FBP1: variants seen among roughly 807,000 people sequenced by gnomAD.
The protein encoded by FBP1 is fructose-bisphosphatase 1, also known as fructose-1,6-bisphosphatase 1.
Under a neutral mutation model 29.9 loss-of-function variants are expected in FBP1, and 22 were observed. The ratio of observed to expected loss-of-function variants is 0.74; its 90% CI spans 0.53 to 1.05. The LOEUF is 1.05. Ranked by LOEUF, FBP1 falls within the 50% of genes least tolerant of loss-of-function variation. The probability of loss-of-function intolerance (pLI) is 0.00; values close to 1 mark genes in which losing one functional copy is unlikely to be tolerated. For missense variants in FBP1, 345 were observed against 448.2 expected (o/e 0.77, Z 2.08); for synonymous variants, 175 against 178.6 (o/e 0.98, Z 0.16).
Position 94,606,823 on chromosome 9 carries a change from A to G in FBP1, c.697T>C (p.Phe233Leu), listed in dbSNP as rs2297085. 2.6e-5 allele frequency: 42 copies of G among 1,613,756 alleles called. No individual in the cohort carries two copies. The highest frequency in any genetic ancestry group is 2.1e-4 in the African/African-American group (16 of 75,038). ...AVTEYIQRKK[F>L]PPDNSAPYGA... Reference sequence around the variant, plus strand: ...CCCGGGCCCTCACTTACTGGGGGGAACTTCTTCCTCTGGATGTACTCAGTG... The same window carrying G: ...CCCGGGCCCTCACTTACTGGGGGGAGCTTCTTCCTCTGGATGTACTCAGTG... The change falls in exon 5 of 7, where the codon TTC becomes CTC. Residue 233 changes from phenylalanine (F) to leucine (L), a missense_variant. Phe to Leu is a conservative substitution (Grantham distance 22, BLOSUM62 0). Transcript: ENST00000375326.
intron 1 of FBP1, among the ~76,000 whole-genome samples, chr9:94,625,790 G>A (rs1387070066): frequency 1.3e-5 from 2 of 151,010 alleles, no homozygotes; most frequent in Admixed American, 6.6e-5. Flanking sequence ...GCGAGACTCC[G>A]TCAAAAAGAA....
At chr9:94,635,872 T>C (rs150982899) in intron 1 of FBP1, among the ~76,000 whole-genome samples, 117 of 152,316 alleles carry the variant, frequency 7.7e-4, no homozygotes, top group African/African-American at 2.6e-3. Context: ...GAGGTAGATG[T>C]AGATGTCCCG....
In FBP1 at chr9:94,639,398, T is replaced by C; in HGVS notation, c.-88A>G. On this transcript the variant is annotated 5_prime_UTR_variant, in exon 1 of 7. Transcript: ENST00000375326. ...GGCGGCAAGAGAGGGCAGTAGGCAC[T>C]GGCCGCAGGTGCGGAGCTGCAGGTG... 6.9e-7 allele frequency: 1 copy of C among 1,440,728 alleles called. No individual in the cohort carries two copies. The highest frequency in any genetic ancestry group is 9.5e-7 in the Non-Finnish European group (1 of 1,049,554). 89.2% of individuals were successfully genotyped at this position (1,440,728 alleles called of 1,614,324 possible).
chr9:94,607,476 A>T (rs1392603410), intron 4 of FBP1, among the ~76,000 whole-genome samples: 1 of 152,166 alleles, frequency 6.6e-6, no homozygotes, highest in East Asian at 1.9e-4. Flanking sequence ...GCGTTCTTAT[A>T]GAACAAAGTA....
chr9:94,621,365 C>T (rs907539040), intron 1 of FBP1, among the ~76,000 whole-genome samples: 1 of 149,638 alleles, frequency 6.7e-6, no homozygotes, highest in African/African-American at 2.5e-5. Flanking sequence ...CACTGCACTC[C>T]AGCCTGGGCG....
chr9:94,624,266 A>G (rs1212865722), intron 1 of FBP1, among the ~76,000 whole-genome samples: 1 of 146,892 alleles, frequency 6.8e-6, no homozygotes, highest in Admixed American at 7.1e-5. Context: ...TGAACCCGGG[A>G]GGCGGAGCTT....
In FBP1 at chr9:94,605,504, C is replaced by T. The variant is rs780803192; in HGVS notation, c.778G>A (p.Gly260Arg). The T allele has an allele frequency of 4.3e-6, 7 of 1,614,008 alleles. No individual in the cohort carries two copies. The highest frequency in any genetic ancestry group is 2.2e-5 in the East Asian group (1 of 44,882). Residue 260 changes from glycine to arginine, a missense_variant, in exon 6 of 7, where the codon GGA becomes AGA. Gly to Arg is a moderately radical substitution (Grantham distance 125). Coordinates refer to ENST00000375326, the MANE Select transcript of FBP1 (RefSeq NM_000507.4). ...VADVHRTLVY[G>R]GIFLYPANKK... The stretch of plus-strand genomic sequence containing the variant: ...TTAGCGGGGTACAGAAATATCCCTC[C>T]GTAGACCAGAGTGCGATGAACATCA...
chr9:94,606,604 G>A (rs1224657930), intron 5 of FBP1, among the ~76,000 whole-genome samples: 1 of 152,108 alleles, frequency 6.6e-6, no homozygotes, highest in Non-Finnish European at 1.5e-5. Flanking sequence ...CAGTGTAGAC[G>A]GAAGCCCAAT....
chr9:94,615,992 T>C (rs960692145), intron 3 of FBP1, among the ~76,000 whole-genome samples: 1 of 152,082 alleles, frequency 6.6e-6, no homozygotes, highest in African/African-American at 2.4e-5. Flanking sequence ...CATGCCCAGT[T>C]AATTTTTTGT....
chr9:94,615,628 A>G (rs1265191423), intron 3 of FBP1, among the ~76,000 whole-genome samples: 1 of 152,152 alleles, frequency 6.6e-6, no homozygotes, highest in Non-Finnish European at 1.5e-5. Context: ...CCTTTCTAGT[A>G]TGAGAATTTG....
intron 1 of FBP1, among the ~76,000 whole-genome samples, chr9:94,625,016 C>T (rs1828001998): frequency 6.6e-6 from 1 of 151,966 alleles, no homozygotes; most frequent in African/African-American, 2.4e-5. Flanking sequence ...GTGTCCCAAA[C>T]ACAGGGGCAC....
chr9:94,630,385 G>C (rs1276037300), intron 1 of FBP1, among the ~76,000 whole-genome samples: 1 of 152,192 alleles, frequency 6.6e-6, no homozygotes, highest in Non-Finnish European at 1.5e-5. Flanking sequence ...TGTGTTTGCT[G>C]TGCAAACTTA....
intron 1 of FBP1, among the ~76,000 whole-genome samples, chr9:94,636,827 T>C (rs1339152492): frequency 6.6e-6 from 1 of 152,156 alleles, no homozygotes; most frequent in African/African-American, 2.4e-5. Flanking sequence ...TAGCTGGGAT[T>C]ACAGGCGCCT....
rs558144245 is a variant in FBP1 at position 94,612,938 on chromosome 9, C to T, written c.427-2877G>A. Among the ~76,000 whole-genome samples, 443 of 152,258 alleles carry T rather than the reference C, an allele frequency of 2.9e-3. 2 individuals carry two copies. The highest frequency in any genetic ancestry group is 4.6e-3 in the Non-Finnish European group (314 of 68,018). On this transcript the variant is annotated intron_variant, in intron 3 of 6. Coordinates refer to ENST00000375326, the MANE Select transcript of FBP1 (RefSeq NM_000507.4). ...GCAGATGCCCAGGGACCAATGAGCACGGAGCACTTGGCAAAATCAGAAACC... is the reference window on the plus strand; with the variant it reads ...GCAGATGCCCAGGGACCAATGAGCATGGAGCACTTGGCAAAATCAGAAACC...
chr9:94,608,726 G>A (rs1827737625), intron 4 of FBP1, among the ~76,000 whole-genome samples: 1 of 151,972 alleles, frequency 6.6e-6, no homozygotes, highest in Admixed American at 6.6e-5. Context: ...TTCCCTGACA[G>A]CCTGGGACAA....
In FBP1 at chr9:94,624,653, C is replaced by CA. The variant is rs1052848788; in HGVS notation, c.171-4163dup. 4.6e-5 allele frequency among the ~76,000 whole-genome samples: 7 copies of CA among 150,846 alleles called. No homozygotes were observed. The South Asian group carries it at 1.5e-3, about 31-fold the overall frequency. ...GGGCAACAAGAGCGAAACGCTGTCTCAAAAAAATAAAAAAAAGAAAGAATG... is the reference window on the plus strand; with the variant it reads ...GGGCAACAAGAGCGAAACGCTGTCTCAAAAAAAATAAAAAAAAGAAAGAATG... On this transcript the variant is annotated intron_variant, in intron 1 of 6. Transcript: ENST00000375326.
chr9:94,618,252 G>A (rs1223393540), intron 2 of FBP1, among the ~76,000 whole-genome samples: 1 of 152,124 alleles, frequency 6.6e-6, no homozygotes, highest in East Asian at 1.9e-4. Context: ...CAGAGACTTT[G>A]CTAGGGTTGA....
chr9:94,612,554 T>C (rs868264387), intron 3 of FBP1, among the ~76,000 whole-genome samples: 35,670 of 128,684 alleles, frequency 0.28, 4,778 homozygotes, highest in East Asian at 0.51. Flanking sequence ...CCCCAATTTT[T>C]TTTTTTTTTT....
intron 6 of FBP1, among the ~76,000 whole-genome samples, chr9:94,604,570 G>T (rs1406505731): frequency 6.6e-6 from 1 of 151,146 alleles, no homozygotes; most frequent in Admixed American, 6.6e-5. Flanking sequence ...GATCACTTGA[G>T]GTCAGAAGTT....
Sources: gnomAD v4.1 joint callset for allele counts (sites outside exome capture counted in the v4.1 genomes callset) on GRCh38, gnomAD v4.1.1 for gene constraint, MANE v1.5 for transcripts, NCBI Gene and HGNC (gene_info 2026-07-23, HGNC 2026-07-21) for gene names.